Variants in OTUD7A observed in about 807,000 individuals in gnomAD.
OTUD7A encodes the protein OTU domain-containing protein 7A.
OTUD7A carries 12 observed loss-of-function variants against 65.7 expected under a neutral mutation model. That is an observed-to-expected ratio of 0.18 (90% CI 0.12 to 0.30). The LOEUF (loss-of-function observed/expected upper bound fraction) is 0.30, where lower values mean the gene tolerates loss of function less well. Among genes scored for constraint, OTUD7A ranks in the 10% least tolerant of loss-of-function variants. The pLI, the probability that OTUD7A is intolerant of heterozygous loss-of-function variation, is 1.00. For synonymous variants in OTUD7A, 641 were observed against 586.3 expected (o/e 1.09, Z -1.35); for missense variants, 1,148 against 1,304.8 (o/e 0.88, Z 1.85).
At chr15:31,628,374 G>C (rs1485670146) in intron 3 of OTUD7A, among the ~76,000 whole-genome samples, 5 of 152,088 alleles carry the variant, frequency 3.3e-5, no homozygotes, top group African/African-American at 7.2e-5. Context: ...GCTTGTTTCT[G>C]TCAGGTTTGT....
chr15:31,510,913 T>TATCTATATGTAACATATATGTAC lies in OTUD7A; in HGVS notation c.894-7096_894-7095insGTACATATATGTTACATATAGAT, dbSNP rs2041691834. ...TATATCTATATGTAACATATATGTA[T>TATCTATATGTAACATATATGTAC]ATCTATATGTAACATATATGTATAT... is the stretch of plus-strand genomic sequence containing the variant. On this transcript the variant is annotated intron_variant, in intron 8 of 12. Transcript: ENST00000307050. Among the ~76,000 whole-genome samples, 3 of 35,688 alleles carry TATCTATATGTAACATATATGTAC rather than the reference T, an allele frequency of 8.4e-5. 1 individual carries two copies. Among genetic ancestry groups the TATCTATATGTAACATATATGTAC allele is most frequent in the African/African-American group, 5.3e-4 (2 of 3,776 alleles). 23.4% of individuals were successfully genotyped at this position (35,688 alleles called of 152,430 possible).
Position 31,477,597 on chromosome 15 carries a change from C to A in OTUD7A, c.*5697G>T, listed in dbSNP as rs1372462814. The A allele has an allele frequency of 1.3e-5, 2 of 152,118 alleles. No homozygotes were observed. Among genetic ancestry groups the A allele is most frequent in the Non-Finnish European group, 2.9e-5 (2 of 68,020 alleles). The allele number at this position is 152,118 out of a possible 1,614,324, so 9.4% of individuals were successfully genotyped here. A position where few individuals can be genotyped will look rare whatever the true frequency, so the allele number is the denominator to read the frequency against. Reference sequence around the variant, plus strand: ...AGCTAAAGTTCTCACAATAATAGAACCTAGATTTGATGAAAGCTGAAATTG... The same window carrying A: ...AGCTAAAGTTCTCACAATAATAGAAACTAGATTTGATGAAAGCTGAAATTG... On this transcript the variant is annotated 3_prime_UTR_variant, in exon 13 of 13. Transcript: ENST00000307050.
At position 31,796,692 on chromosome 15, in the gene OTUD7A, C is replaced by T. The variant is rs117740173; in HGVS notation, c.-100+73815G>A. Among the ~76,000 whole-genome samples, 805 of 152,262 alleles carry T rather than the reference C, an allele frequency of 5.3e-3. 3 individuals are homozygous for T. Among genetic ancestry groups the T allele is most frequent in the Middle Eastern group, 0.017 (5 of 294 alleles). ...ATGGTGACCCAATGCTCTTCTATTG[C>T]TTCCAGTTTTTATTTCATACTTATA... is the stretch of plus-strand genomic sequence containing the variant. On this transcript the variant is annotated intron_variant, in intron 1 of 12. Coordinates refer to ENST00000307050, the MANE Select transcript of OTUD7A (RefSeq NM_001382637.1).
chr15:31,623,667 G>A (rs1431264012), intron 3 of OTUD7A, among the ~76,000 whole-genome samples: 1 of 152,230 alleles, frequency 6.6e-6, no homozygotes, highest in East Asian at 1.9e-4. Context: ...ATCTGTGACA[G>A]CTTTGCTTGT....
At chr15:31,778,976 CT>C (rs1391206461) in intron 1 of OTUD7A, among the ~76,000 whole-genome samples, 4 of 152,172 alleles carry the variant, frequency 2.6e-5, no homozygotes, top group Admixed American at 2.6e-4. Flanking sequence ...GAAATGGAAG[CT>C]TGGGGAAACA....
chr15:31,583,366 A>G (rs1291882374), intron 3 of OTUD7A, among the ~76,000 whole-genome samples: 1 of 152,204 alleles, frequency 6.6e-6, no homozygotes, highest in African/African-American at 2.4e-5. Context: ...GCTCCTGTGA[A>G]GCACCTGCTT....
intron 1 of OTUD7A, among the ~76,000 whole-genome samples, chr15:31,686,730 G>C (rs1171078064): frequency 6.6e-6 from 1 of 152,192 alleles, no homozygotes; most frequent in African/African-American, 2.4e-5. Flanking sequence ...GGTTGATATT[G>C]CCCCAGAAAG....
chr15:31,794,823 T>C (rs1323386188), intron 1 of OTUD7A, among the ~76,000 whole-genome samples: 1 of 152,178 alleles, frequency 6.6e-6, no homozygotes, highest in Non-Finnish European at 1.5e-5. Flanking sequence ...AATACAGTTA[T>C]TGTTTCTCCT....
rs1892170796 is a variant in OTUD7A at position 31,661,742 on chromosome 15, C to A, written c.-99-4665G>T. 3.3e-5 allele frequency among the ~76,000 whole-genome samples: 5 copies of A among 152,170 alleles called. No homozygotes were observed. In the South Asian group the frequency reaches 1.0e-3, roughly 32 times the overall value. The stretch of plus-strand genomic sequence containing the variant: ...TAAAAATAACAAAAATTCTTCAGTG[C>A]AATATCCAGTGTGCAAATTTCCAAT... On this transcript the variant is annotated intron_variant, in intron 1 of 12. Coordinates refer to ENST00000307050, the MANE Select transcript of OTUD7A (RefSeq NM_001382637.1).
At chr15:31,761,311 T>C (rs186670945) in intron 1 of OTUD7A, among the ~76,000 whole-genome samples, 4 of 152,108 alleles carry the variant, frequency 2.6e-5, no homozygotes, top group Admixed American at 2.6e-4. Flanking sequence ...GTATACAGGA[T>C]ATATACAACT....
chr15:31,548,322 T>C (rs1888204350), intron 5 of OTUD7A, among the ~76,000 whole-genome samples: 2 of 152,090 alleles, frequency 1.3e-5, no homozygotes, highest in African/African-American at 4.8e-5. Flanking sequence ...GGCTTTCTAC[T>C]TGGCCTCTCA....
intron 3 of OTUD7A, among the ~76,000 whole-genome samples, chr15:31,652,268 T>C (rs935984647): frequency 6.6e-5 from 10 of 152,198 alleles, no homozygotes; most frequent in African/African-American, 2.4e-4. Flanking sequence ...ATAAATGATG[T>C]TGAAACAATT....
At chr15:31,559,434 C>T (rs1296737427) in intron 4 of OTUD7A, among the ~76,000 whole-genome samples, 1 of 152,146 alleles carries the variant, frequency 6.6e-6, no homozygotes, top group African/African-American at 2.4e-5. Flanking sequence ...CATGTGCACA[C>T]ACACTTATAA....
At chr15:31,530,867 G>T (rs1448672374) in intron 5 of OTUD7A, 59 bp from the exon 6 acceptor site, 13 of 1,427,938 alleles carry the variant, frequency 9.1e-6, no homozygotes, top group Admixed American at 3.7e-5. Flanking sequence ...CACTGGGGGT[G>T]TTTGCTAAGG....
chr15:31,841,060 G>A (rs1897171087), intron 1 of OTUD7A, among the ~76,000 whole-genome samples: 1 of 152,172 alleles, frequency 6.6e-6, no homozygotes, highest in African/African-American at 2.4e-5. Flanking sequence ...TGTGGTCTAG[G>A]TGGACCTATT....
At chr15:31,563,044 G>T (rs1274042686) in intron 4 of OTUD7A, among the ~76,000 whole-genome samples, 1 of 152,198 alleles carries the variant, frequency 6.6e-6, no homozygotes, top group Admixed American at 6.5e-5. Flanking sequence ...ATAGGATTAT[G>T]CTGGGATAGA....
chr15:31,609,575 C>T (rs1362719379), intron 3 of OTUD7A, among the ~76,000 whole-genome samples: 2 of 152,130 alleles, frequency 1.3e-5, no homozygotes, highest in Admixed American at 6.5e-5. Context: ...CAAGACCCAA[C>T]GGAGAGTCTG....
At chr15:31,506,028 A>G (rs919706943) in intron 8 of OTUD7A, among the ~76,000 whole-genome samples, 4 of 151,860 alleles carry the variant, frequency 2.6e-5, no homozygotes, top group African/African-American at 9.7e-5. Flanking sequence ...GTGAGCCACC[A>G]TGCCTGGCCA....
chr15:31,670,939 G>A (rs985110010), intron 1 of OTUD7A, among the ~76,000 whole-genome samples: 1 of 151,804 alleles, frequency 6.6e-6, no homozygotes, highest in African/African-American at 2.4e-5. Flanking sequence ...AGCTTGCAGT[G>A]AGCCGAGATT....
Sources: gnomAD v4.1 joint callset for allele counts (sites outside exome capture counted in the v4.1 genomes callset) on GRCh38, gnomAD v4.1.1 for gene constraint, MANE v1.5 for transcripts, NCBI Gene and HGNC (gene_info 2026-07-23, HGNC 2026-07-21) for gene names.